ADA: variants seen among roughly 807,000 people sequenced by gnomAD.
ADA encodes the protein adenosine deaminase.
Under a neutral mutation model 49.0 loss-of-function variants are expected in ADA, and 45 were observed. The ratio of observed to expected loss-of-function variants is 0.92; its 90% CI spans 0.72 to 1.18. ADA has a LOEUF of 1.18. Ranked by LOEUF, ADA falls within the 50% of genes most tolerant of loss-of-function variation. ADA has a pLI of 0.00. For missense variants in ADA, 445 were observed against 472.5 expected, an observed-to-expected ratio of 0.94 and a Z score of 0.54; for synonymous variants, 173 against 184.2, an observed-to-expected ratio of 0.94 and a Z score of 0.49.
In ADA at chr20:44,624,316, C is replaced by T; in HGVS notation, c.492G>A (p.Lys164=). Residue 164 remains lysine (K), a synonymous_variant, in exon 6 of 12, where the codon AAG becomes AAA. Transcript: ENST00000372874. ...CMRHQPNWSP[K]VVELCKKYQQ... ...GGTACTTCTTACACAGCTCCACCAC[C>T]TTGGGGGACCAGTCTGTGGGCGAGA... 6 of 1,613,738 alleles carry T rather than the reference C, an allele frequency of 3.7e-6. No homozygotes were observed. The highest frequency in any genetic ancestry group is 5.1e-6 in the Non-Finnish European group (6 of 1,179,922).
At chr20:44,624,107 C>A (rs896305520) in intron 6 of ADA, 95 bp downstream of exon 6, 1 of 1,505,194 alleles carries the variant, frequency 6.6e-7, no homozygotes, top group Non-Finnish European at 9.0e-7. Context: ...ACTCAGGAGA[C>A]ACCATGGTCC....
chr20:44,619,825 G>A lies in ADA; in HGVS notation c.*9C>T. The A allele has an allele frequency of 1.2e-6, 2 of 1,614,240 alleles. No individual in the cohort carries two copies. The highest frequency in any genetic ancestry group is 1.7e-6 in the Non-Finnish European group (2 of 1,180,038). On this transcript the variant is annotated 3_prime_UTR_variant, in exon 12 of 12. Coordinates refer to ENST00000372874, the MANE Select transcript of ADA (RefSeq NM_000022.4). ...CTCCACAGGGTGAAGGCTTGGAGGA[G>A]TGGCGTCTTCAGAGGTTCTGCCCTG... is the stretch of plus-strand genomic sequence containing the variant.
rs563266754 is a variant in ADA, at chr20:44,620,948, C to G, written c.975+70G>C. ...CTCCCTCTCTCCAAAGATTCCAGGC[C>G]CCGGACTGGACCTGTAGATACCATA... On this transcript the variant is annotated intron_variant, in intron 10 of 11. Coordinates refer to ENST00000372874, the MANE Select transcript of ADA (RefSeq NM_000022.4). 9.6e-5 allele frequency: 154 copies of G among 1,606,514 alleles called. No homozygotes were observed. In the African/African-American group the frequency reaches 1.8e-3, roughly 19 times the overall value.
chr20:44,641,257 T>C (rs1049871425), intron 1 of ADA, among the ~76,000 whole-genome samples: 2 of 152,088 alleles, frequency 1.3e-5, no homozygotes, highest in Non-Finnish European at 2.9e-5. Context: ...AAATCCTTGG[T>C]GGCAGGCCCA....
Position 44,624,447 on chromosome 20 carries a change from G to C in ADA, c.479-118C>G. ...GGAGGCCAGCACAAAACAGGGCTCA[G>C]TGTCTTCAAATCCTAACTGCTATGT... is the stretch of plus-strand genomic sequence containing the variant. On this transcript the variant is annotated intron_variant, in intron 5 of 11. Transcript: ENST00000372874. 3.6e-6 allele frequency: 5 copies of C among 1,397,540 alleles called. No individual in the cohort carries two copies. In the South Asian group the frequency reaches 5.8e-5, roughly 16 times the overall value. The allele number at this position is 1,397,540 out of a possible 1,614,324, so 86.6% of individuals were successfully genotyped here.
At chr20:44,648,899 C>T (rs938908572) in intron 1 of ADA, among the ~76,000 whole-genome samples, 1 of 152,066 alleles carries the variant, frequency 6.6e-6, no homozygotes, top group Non-Finnish European at 1.5e-5. Flanking sequence ...GTTTGAAAAG[C>T]GCTGCCCTGC....
chr20:44,646,954 CATA>C (rs1262139206), intron 1 of ADA, among the ~76,000 whole-genome samples: 3 of 152,038 alleles, frequency 2.0e-5, no homozygotes, highest in African/African-American at 4.8e-5. Flanking sequence ...TCAGTTTCCT[CATA>C]ATAAGTGAAG....
chr20:44,622,933 G>A lies in ADA; in HGVS notation c.679-3C>T, dbSNP rs2065346802. On this transcript the variant is annotated splice_polypyrimidine_tract_variant and splice_region_variant and intron_variant, in intron 7 of 11. Transcript: ENST00000372874. Reference sequence around the variant, plus strand: ...TCTGTCTTGAGTATGTCCACAGCCTGTAGAGAAGCAGAATAGAGCCAAGTA... The same window carrying A: ...TCTGTCTTGAGTATGTCCACAGCCTATAGAGAAGCAGAATAGAGCCAAGTA... The A allele has an allele frequency of 1.2e-6, 2 of 1,614,120 alleles. No homozygotes were observed. The highest frequency in any genetic ancestry group is 1.7e-6 in the Non-Finnish European group (2 of 1,180,050).
At chr20:44,648,412 T>C (rs894492277) in intron 1 of ADA, among the ~76,000 whole-genome samples, 1 of 152,100 alleles carries the variant, frequency 6.6e-6, no homozygotes, top group African/African-American at 2.4e-5. Context: ...TCGTTATCTA[T>C]GAGGAACATC....
intron 5 of ADA, 133 bp from the exon 6 acceptor site, chr20:44,624,462 A>G: frequency 8.1e-7 from 1 of 1,227,844 alleles, no homozygotes; most frequent in Non-Finnish European, 1.2e-6. Context: ...TTCAAATCCT[A>G]ACTGCTATGT....
At chr20:44,646,220 C>T (rs1443582125) in intron 1 of ADA, among the ~76,000 whole-genome samples, 1 of 152,194 alleles carries the variant, frequency 6.6e-6, no homozygotes, top group Non-Finnish European at 1.5e-5. Flanking sequence ...CCCTGCCTCC[C>T]TGTGTGAACA....
Position 44,623,026 on chromosome 20 carries a change from G to A in ADA, c.659C>T (p.Ser220Leu), listed in dbSNP as rs747167602. The part of the protein sequence containing the change: ...HRTVHAGEVG[S>L]AEVVKEAVDI... ...CCTCACCTCTTTTACTACTTCGGCC[G>A]AGCCCACCTCCCCGGCGTGGACAGT... The change falls in exon 7 of 12, where the codon TCG (serine) becomes TTG (leucine). Residue 220 changes from serine (S) to leucine (L), a missense_variant. Transcript: ENST00000372874. The A allele has an allele frequency of 1.4e-5, 23 of 1,614,030 alleles. No homozygotes were observed. Among genetic ancestry groups the A allele is most frequent in the East Asian group, 6.7e-5 (3 of 44,882 alleles).
chr20:44,649,928 G>A (rs1439255026), intron 1 of ADA, among the ~76,000 whole-genome samples: 1 of 152,044 alleles, frequency 6.6e-6, no homozygotes, highest in East Asian at 1.9e-4. Flanking sequence ...GTAGAAATGG[G>A]GTTTTGCCAT....
At chr20:44,622,534 C>T (rs973595980) in intron 9 of ADA, 54 bp downstream of exon 9, 38 of 1,605,002 alleles carry the variant, frequency 2.4e-5, no homozygotes, top group Non-Finnish European at 3.0e-5. Context: ...AAGTTTCTTC[C>T]CTCTTTGGCC....
At chr20:44,637,163 A>G (rs2065488462) in intron 1 of ADA, among the ~76,000 whole-genome samples, 1 of 152,142 alleles carries the variant, frequency 6.6e-6, no homozygotes, top group Non-Finnish European at 1.5e-5. Flanking sequence ...AATCAATATT[A>G]GGCAACGGAA....
intron 1 of ADA, among the ~76,000 whole-genome samples, chr20:44,644,167 A>AC (rs1438069358): frequency 8.7e-4 from 1 of 1,152 alleles, no homozygotes; most frequent in Non-Finnish European, 1.8e-3. Context: ...TTGGAGGTAG[A>AC]CGCCCTGCTC....
intron 2 of ADA, among the ~76,000 whole-genome samples, chr20:44,629,442 G>A (rs2145325581): frequency 6.6e-6 from 1 of 151,490 alleles, no homozygotes; most frequent in Admixed American, 6.6e-5. Context: ...GTGTGTGTAT[G>A]TGTGCACACA....
chr20:44,645,043 C>T (rs890914307), intron 1 of ADA, among the ~76,000 whole-genome samples: 1 of 152,208 alleles, frequency 6.6e-6, no homozygotes, highest in Admixed American at 6.5e-5. Context: ...TCTAGCAGCA[C>T]GCTCCCTGCA....
At chr20:44,626,329 G>T in intron 4 of ADA, 127 bp downstream of exon 4, 1 of 1,349,284 alleles carries the variant, frequency 7.4e-7, no homozygotes, top group Non-Finnish European at 1.0e-6. Context: ...TGAGGCCATG[G>T]ACCAGACTGG....
Sources: allele counts gnomAD v4.1 joint callset (sites outside exome capture counted in the v4.1 genomes callset), GRCh38; gene constraint gnomAD v4.1.1; transcripts MANE v1.5; gene names NCBI Gene and HGNC (gene_info 2026-07-23, HGNC 2026-07-21).